Variants in CYP4X1 observed in about 807,000 individuals in gnomAD.
CYP4X1 encodes the protein cytochrome P450 4X1.
CYP4X1 carries 44 observed loss-of-function variants against 57.9 expected under a neutral mutation model. That is an observed-to-expected ratio of 0.76 (90% CI 0.60 to 0.98). The LOEUF is 0.98. CYP4X1 is among the 50% of genes least tolerant of loss of function. CYP4X1 has a pLI of 0.00. For missense variants in CYP4X1, 532 were observed against 623.9 expected, an observed-to-expected ratio of 0.85 and a Z score of 1.57; for synonymous variants, 227 against 228.6, an observed-to-expected ratio of 0.99 and a Z score of 0.06.
At chr1:46,988,247 A>T in the CYP4X1 span, among the ~76,000 whole-genome samples, 1 of 152,206 alleles carries the variant, frequency 6.6e-6, no homozygotes, top group African/African-American at 2.4e-5. Context: ...ATCAGAAAGT[A>T]CTATAAACAC....
the CYP4X1 span, among the ~76,000 whole-genome samples, chr1:47,009,139 C>T: frequency 6.6e-6 from 1 of 152,150 alleles, no homozygotes; most frequent in African/African-American, 2.4e-5. Flanking sequence ...CACACCACAC[C>T]TATTCCAAAA....
At chr1:47,048,659 C>A in intron 10 of CYP4X1, 30 bp downstream of exon 10, 1 of 1,592,910 alleles carries the variant, frequency 6.3e-7, no homozygotes, top group Non-Finnish European at 8.5e-7. Flanking sequence ...ATAAATACTT[C>A]CAAGAACTAA....
chr1:46,980,874 G>A, the CYP4X1 span, among the ~76,000 whole-genome samples: 3 of 152,082 alleles, frequency 2.0e-5, no homozygotes, highest in Admixed American at 6.6e-5. Context: ...AGCAAGAAAT[G>A]GGGAAAGGAT....
downstream of CYP4X1, among the ~76,000 whole-genome samples, chr1:47,054,016 TG>T (rs1644375897): frequency 1.3e-5 from 2 of 151,838 alleles, no homozygotes; most frequent in South Asian, 4.2e-4. Context: ...TGAATGGCAT[TG>T]CCTAGGTTTT....
the CYP4X1 span, among the ~76,000 whole-genome samples, chr1:46,999,739 T>A: frequency 8.0e-6 from 1 of 125,776 alleles, no homozygotes; most frequent in Admixed American, 8.7e-5. Flanking sequence ...TTGTGGGCTG[T>A]CTTTTAACTC....
chr1:47,050,349 C>G lies in CYP4X1; in HGVS notation c.*175C>G. 1.6e-6 allele frequency: 1 copy of G among 628,732 alleles called. No homozygotes were observed. The highest frequency in any genetic ancestry group is 3.0e-5 in the East Asian group (1 of 33,652). The allele number at this position is 628,732 out of a possible 1,614,324, so 38.9% of individuals were successfully genotyped here. On this transcript the variant is annotated 3_prime_UTR_variant, in exon 12 of 12. Transcript: ENST00000371901. ...TAGGTACACAGTGTGTCAGCTAGAT[C>G]TGTTTCTATATAACTTTGGGAGATT...
the CYP4X1 span, among the ~76,000 whole-genome samples, chr1:47,014,689 T>G: frequency 6.6e-6 from 1 of 152,232 alleles, no homozygotes; most frequent in South Asian, 2.1e-4. Flanking sequence ...GCCTCTTTCT[T>G]TGTATCTCAC....
intron 3 of CYP4X1, among the ~76,000 whole-genome samples, chr1:47,032,728 T>C (rs909466265): frequency 4.6e-5 from 7 of 152,188 alleles, no homozygotes; most frequent in African/African-American, 1.4e-4. Context: ...TCTCTTTCCT[T>C]GTGAATTTAT....
At chr1:46,984,402 C>T in the CYP4X1 span, among the ~76,000 whole-genome samples, 1 of 129,552 alleles carries the variant, frequency 7.7e-6, no homozygotes, top group Non-Finnish European at 1.6e-5. Context: ...AAAAAAAAAA[C>T]CAGGAGAGGC....
chr1:47,053,523 C>G (rs1478243364), downstream of CYP4X1, among the ~76,000 whole-genome samples: 1 of 152,014 alleles, frequency 6.6e-6, no homozygotes, highest in Non-Finnish European at 1.5e-5. Flanking sequence ...AACTAGTTTA[C>G]CCTCCCACCA....
the CYP4X1 span, among the ~76,000 whole-genome samples, chr1:47,014,008 C>A: frequency 6.6e-6 from 1 of 152,078 alleles, no homozygotes. Context: ...CTCCTGACCT[C>A]AGGTGATCTG....
the CYP4X1 span, among the ~76,000 whole-genome samples, chr1:46,994,125 A>T: frequency 1.3e-5 from 2 of 152,134 alleles, no homozygotes; most frequent in African/African-American, 4.8e-5. Flanking sequence ...TAAGGAAGGG[A>T]TCCAGTTTCA....
chr1:47,040,550 TAAGGA>T (rs1644234463), intron 8 of CYP4X1, among the ~76,000 whole-genome samples: 1 of 152,188 alleles, frequency 6.6e-6, no homozygotes, highest in Non-Finnish European at 1.5e-5. Context: ...TCTCATTTTA[TAAGGA>T]AATAGAAGCC....
Position 47,048,572 on chromosome 1 carries a change from C to G in CYP4X1, c.1215C>G (p.Thr405=), listed in dbSNP as rs190394183. The change falls in exon 10 of 12, where the codon ACC becomes ACG. Residue 405 remains threonine, a synonymous_variant. Transcript: ENST00000371901. ...PDGCTLPAGI[T]VVLSIWGLHH... is the part of the protein sequence containing the mutation. ...ATTTCCCTCCTTTCTTAGGGATCAC[C>G]GTGGTTCTTAGTATTTGGGGTCTTC... The G allele has an allele frequency of 6.2e-7, 1 of 1,614,130 alleles. No individual in the cohort carries two copies. Among genetic ancestry groups the G allele is most frequent in the Admixed American group, 1.7e-5 (1 of 60,020 alleles).
chr1:46,978,803 A>T, the CYP4X1 span, among the ~76,000 whole-genome samples: 2 of 152,210 alleles, frequency 1.3e-5, no homozygotes, highest in Non-Finnish European at 2.9e-5. Context: ...ATCAAATTAG[A>T]GCTCAGGATT....
the CYP4X1 span, among the ~76,000 whole-genome samples, chr1:47,002,271 G>A: frequency 1.3e-5 from 2 of 152,182 alleles, no homozygotes; most frequent in Admixed American, 6.5e-5. Flanking sequence ...ACAGAGGTAG[G>A]CTTAATAAAC....
At chr1:47,020,568 C>T (rs974203482), upstream of CYP4X1, among the ~76,000 whole-genome samples, 1 of 152,226 alleles carries the variant, frequency 6.6e-6, no homozygotes, top group Non-Finnish European at 1.5e-5. Flanking sequence ...GTGCATTGAG[C>T]TCCCAGCATG....
the CYP4X1 span, among the ~76,000 whole-genome samples, chr1:46,966,969 A>G: frequency 3.3e-5 from 5 of 152,226 alleles, no homozygotes; most frequent in Non-Finnish European, 7.3e-5. Context: ...GGGGATGTGT[A>G]TAGATGCCAA....
At chr1:46,982,801 T>C in the CYP4X1 span, among the ~76,000 whole-genome samples, 14 of 152,216 alleles carry the variant, frequency 9.2e-5, no homozygotes, top group Non-Finnish European at 2.1e-4. Context: ...CCCACTCAGG[T>C]GCTGGCTGTA....
Sources: gnomAD v4.1 joint callset for allele counts (sites outside exome capture counted in the v4.1 genomes callset) on GRCh38, gnomAD v4.1.1 for gene constraint, MANE v1.5 for transcripts, NCBI Gene and HGNC (gene_info 2026-07-23, HGNC 2026-07-21) for gene names.